The following XKR9 variants were observed in gnomAD, a reference collection of about 807,000 sequenced individuals.
XKR9 encodes the protein XK related 9.
Under a neutral mutation model 32.0 loss-of-function variants are expected in XKR9, and 32 were observed. The ratio of observed to expected loss-of-function variants is 1.00; its 90% CI spans 0.76 to 1.34. The LOEUF (loss-of-function observed/expected upper bound fraction) is 1.34, where lower values mean the gene tolerates loss of function less well. XKR9 is among the 40% of genes most tolerant of loss of function. XKR9 has a pLI of 0.00. For missense variants in XKR9, 546 were observed against 429.7 expected (o/e 1.27, Z -2.39); for synonymous variants, 168 against 143.4 (o/e 1.17, Z -1.22).
At chr8:71,013,412 G>A in the XKR9 span, among the ~76,000 whole-genome samples, 1 of 152,184 alleles carries the variant, frequency 6.6e-6, no homozygotes, top group Admixed American at 6.5e-5. Flanking sequence ...TTTGGAAAAG[G>A]CTGGGTATTG....
At chr8:71,053,880 C>T in the XKR9 span, among the ~76,000 whole-genome samples, 1 of 152,208 alleles carries the variant, frequency 6.6e-6, no homozygotes, top group South Asian at 2.1e-4. Context: ...AGAACACTAG[C>T]TCTGAGTTTG....
At chr8:70,752,625 TG>T (rs977461117) in intron 2 of XKR9, among the ~76,000 whole-genome samples, 1 of 152,208 alleles carries the variant, frequency 6.6e-6, no homozygotes, top group African/African-American at 2.4e-5. Context: ...ATGAGGACCA[TG>T]CGTCCACATG....
chr8:70,769,435 G>A (rs1323492845), intron 2 of XKR9, among the ~76,000 whole-genome samples: 1 of 151,922 alleles, frequency 6.6e-6, no homozygotes, highest in Non-Finnish European at 1.5e-5. Flanking sequence ...TCTTCTTGAG[G>A]AGTATCTTAA....
the XKR9 span, among the ~76,000 whole-genome samples, chr8:71,042,649 G>C: frequency 3.3e-5 from 5 of 151,870 alleles, no homozygotes; most frequent in African/African-American, 4.9e-5. Flanking sequence ...AAAATGTTTA[G>C]TATATTTAAA....
chr8:70,775,385 CT>C (rs1165893132), intron 2 of XKR9, among the ~76,000 whole-genome samples: 3 of 152,106 alleles, frequency 2.0e-5, no homozygotes, highest in African/African-American at 7.2e-5. Context: ...ATATCTTTGC[CT>C]TGTCTTCACT....
the XKR9 span, among the ~76,000 whole-genome samples, chr8:70,924,869 A>G: frequency 2.0e-5 from 3 of 152,224 alleles, no homozygotes; most frequent in Non-Finnish European, 4.4e-5. Flanking sequence ...GTATGTGACT[A>G]CTTTTTTCAC....
intron 4 of XKR9, among the ~76,000 whole-genome samples, chr8:70,727,200 T>C (rs1413695444): frequency 1.3e-5 from 2 of 152,260 alleles, no homozygotes; most frequent in South Asian, 2.1e-4. Flanking sequence ...CCATTTTCCA[T>C]GAACTTCTGG....
chr8:70,821,456 C>T, the XKR9 span, among the ~76,000 whole-genome samples: 1 of 152,202 alleles, frequency 6.6e-6, no homozygotes, highest in African/African-American at 2.4e-5. Flanking sequence ...TCTTACAGCT[C>T]CACTAGGCAG....
chr8:70,960,261 A>T, the XKR9 span, among the ~76,000 whole-genome samples: 2 of 149,324 alleles, frequency 1.3e-5, no homozygotes, highest in Non-Finnish European at 3.0e-5. Context: ...AAAAAAAAAA[A>T]TATATTTGCT....
At chr8:70,740,043 G>A (rs187671382), downstream of XKR9, among the ~76,000 whole-genome samples, 2 of 152,156 alleles carry the variant, frequency 1.3e-5, no homozygotes, top group Non-Finnish European at 2.9e-5. Context: ...AGTTCTCCTG[G>A]ATAATATCCT....
intron 2 of XKR9, among the ~76,000 whole-genome samples, chr8:70,778,429 A>G (rs1302062145): frequency 6.6e-6 from 1 of 151,910 alleles, no homozygotes; most frequent in African/African-American, 2.4e-5. Flanking sequence ...TGTCTATGTG[A>G]GCTCTTTTTT....
At chr8:70,797,016 C>T in the XKR9 span, among the ~76,000 whole-genome samples, 304 of 152,218 alleles carry the variant, frequency 2.0e-3, 1 homozygote, top group Non-Finnish European at 3.4e-3. Context: ...CCAGTTAGCA[C>T]CTGCAGCATT....
At chr8:70,907,668 G>T in the XKR9 span, among the ~76,000 whole-genome samples, 4 of 152,162 alleles carry the variant, frequency 2.6e-5, no homozygotes, top group African/African-American at 9.7e-5. Flanking sequence ...ACCTACTTTA[G>T]ATACCACAAT....
chr8:70,898,453 C>T, the XKR9 span, among the ~76,000 whole-genome samples: 8 of 151,978 alleles, frequency 5.3e-5, no homozygotes, highest in Admixed American at 6.6e-5. Context: ...ATTTCTGTGA[C>T]GAATGTCTTT....
the XKR9 span, among the ~76,000 whole-genome samples, chr8:70,855,190 A>G: frequency 6.6e-6 from 1 of 152,102 alleles, no homozygotes; most frequent in Non-Finnish European, 1.5e-5. Flanking sequence ...GAGGTAAAGG[A>G]GGAAGTTTGA....
chr8:70,853,843 C>A, the XKR9 span, among the ~76,000 whole-genome samples: 2 of 152,140 alleles, frequency 1.3e-5, no homozygotes, highest in Non-Finnish European at 2.9e-5. Context: ...CATGTCCCTA[C>A]AAAGGACATG....
the XKR9 span, among the ~76,000 whole-genome samples, chr8:70,898,126 A>C: frequency 6.6e-6 from 1 of 152,146 alleles, no homozygotes; most frequent in East Asian, 1.9e-4. Context: ...ATTCTTTTAC[A>C]TATGGATATC....
the XKR9 span, among the ~76,000 whole-genome samples, chr8:71,016,596 A>C: frequency 6.6e-6 from 1 of 152,208 alleles, no homozygotes. Context: ...AGAGATTTGT[A>C]AGCCCAATGT....
the XKR9 span, among the ~76,000 whole-genome samples, chr8:71,065,105 G>A: frequency 6.6e-6 from 1 of 152,126 alleles, no homozygotes; most frequent in Non-Finnish European, 1.5e-5. Context: ...TAAGATATAA[G>A]AAGAAAGCAT....
Sources: gnomAD v4.1 joint callset for allele counts (sites outside exome capture counted in the v4.1 genomes callset) on GRCh38, gnomAD v4.1.1 for gene constraint, MANE v1.5 for transcripts, NCBI Gene and HGNC (gene_info 2026-07-23, HGNC 2026-07-21) for gene names.